The following SAMD4A variants were observed in gnomAD, a reference collection of about 807,000 sequenced individuals.
SAMD4A encodes sterile alpha motif domain containing 4A.
Under a neutral mutation model 81.3 loss-of-function variants are expected in SAMD4A, and 33 were observed. The observed-to-expected ratio is 0.41, with a 90% CI of 0.31 to 0.54. SAMD4A has a LOEUF of 0.54. Among genes scored for constraint, SAMD4A ranks in the 20% least tolerant of loss-of-function variants. The pLI is 0.37. For synonymous variants in SAMD4A, 389 were observed against 382.1 expected, an observed-to-expected ratio of 1.02 and a Z score of -0.21; for missense variants, 854 against 951.1, an observed-to-expected ratio of 0.90 and a Z score of 1.34.
chr14:54,763,797 G>A (rs1463585213), intron 7 of SAMD4A, among the ~76,000 whole-genome samples: 1 of 152,180 alleles, frequency 6.6e-6, no homozygotes, highest in Non-Finnish European at 1.5e-5. Context: ...ACATGGCCGT[G>A]AGAAACCTAG....
At chr14:54,673,664 A>T (rs2035932244) in intron 2 of SAMD4A, among the ~76,000 whole-genome samples, 1 of 152,174 alleles carries the variant, frequency 6.6e-6, no homozygotes. Context: ...TCCTGTGGGC[A>T]GGGGTGGGAG....
rs1485183258 is a variant in SAMD4A at position 54,788,931 on chromosome 14, C to T, written c.2144C>T (p.Thr715Ile). The change falls in exon 13 of 13, where the codon ACC (threonine) becomes ATC (isoleucine). Residue 715 changes from threonine (T) to isoleucine (I), a missense_variant. Transcript: ENST00000554335. Reference protein sequence around the residue: ...EHALGDGVDRTSTI With the variant: ...EHALGDGVDRISTI The stretch of plus-strand genomic sequence containing the variant: ...TCTCTCCCAGACGGGGTTGACCGGA[C>T]CTCCACCATCTAGAAGCTGAAGACG... 2 of 1,614,088 alleles carry T rather than the reference C, an allele frequency of 1.2e-6. No individual in the cohort carries two copies. The highest frequency in any genetic ancestry group is 1.3e-5 in the African/African-American group (1 of 74,938).
At chr14:54,759,614 A>G (rs1023881766) in intron 6 of SAMD4A, among the ~76,000 whole-genome samples, 3 of 152,244 alleles carry the variant, frequency 2.0e-5, no homozygotes, top group Non-Finnish European at 4.4e-5. Context: ...AGAGAAACTG[A>G]GGCACAAATT....
At position 54,576,001 on chromosome 14, in the gene SAMD4A, C is replaced by CTTTTTTTTTTTTTTTTTTTTTT. The variant is rs57819180; in HGVS notation, c.196+7905_196+7926dup. On this transcript the variant is annotated intron_variant, in intron 2 of 12. Coordinates refer to ENST00000554335, the MANE Select transcript of SAMD4A (RefSeq NM_015589.6). ...CCAGGAAAGATTTCTTTCTTTCTTT[C>CTTTTTTTTTTTTTTTTTTTTTT]TTTTTTTTTTTTTTTTTTTTTTTTT... is the stretch of plus-strand genomic sequence containing the variant. Among the ~76,000 whole-genome samples the CTTTTTTTTTTTTTTTTTTTTTT allele has an allele frequency of 2.5e-5, 2 of 80,026 alleles. 1 individual carries two copies. Among genetic ancestry groups the CTTTTTTTTTTTTTTTTTTTTTT allele is most frequent in the East Asian group, 1.0e-3 (2 of 1,992 alleles). The allele number at this position is 80,026 out of a possible 152,430, so 52.5% of individuals were successfully genotyped here. A position where few individuals can be genotyped will look rare whatever the true frequency, so the allele number is the denominator to read the frequency against.
intron 2 of SAMD4A, among the ~76,000 whole-genome samples, chr14:54,592,379 C>T (rs2033800987): frequency 6.6e-6 from 1 of 152,188 alleles, no homozygotes; most frequent in Non-Finnish European, 1.5e-5. Flanking sequence ...TCTCCTCTTT[C>T]CTTCCCCAAA....
intron 2 of SAMD4A, among the ~76,000 whole-genome samples, chr14:54,656,332 A>G (rs979356834): frequency 6.6e-6 from 1 of 152,178 alleles, no homozygotes; most frequent in Non-Finnish European, 1.5e-5. Context: ...CTTTGATCTG[A>G]AACCATCAAA....
intron 11 of SAMD4A, among the ~76,000 whole-genome samples, chr14:54,781,004 T>C (rs539601022): frequency 7.9e-5 from 12 of 152,252 alleles, no homozygotes; most frequent in Admixed American, 5.9e-4. Context: ...CTTTCTTCTT[T>C]ACTCATCTCA....
chr14:54,632,802 T>C (rs998595756), intron 2 of SAMD4A, among the ~76,000 whole-genome samples: 4 of 152,212 alleles, frequency 2.6e-5, no homozygotes, highest in Admixed American at 1.3e-4. Flanking sequence ...AACTTTCTTA[T>C]CTAAAATAGG....
chr14:54,784,455 A>G, intron 11 of SAMD4A, 82 bp from the exon 12 acceptor site: 2 of 1,613,698 alleles, frequency 1.2e-6, no homozygotes, highest in Non-Finnish European at 1.7e-6. Context: ...GAGGTACACC[A>G]GACCTTTCTC....
intron 2 of SAMD4A, among the ~76,000 whole-genome samples, chr14:54,661,569 G>A (rs1183657106): frequency 6.6e-6 from 1 of 152,222 alleles, no homozygotes; most frequent in Non-Finnish European, 1.5e-5. Flanking sequence ...TGTGGTCTGT[G>A]CATTAACCTC....
At chr14:54,756,088 A>G (rs1359917752) in intron 6 of SAMD4A, among the ~76,000 whole-genome samples, 1 of 152,174 alleles carries the variant, frequency 6.6e-6, no homozygotes, top group Non-Finnish European at 1.5e-5. Flanking sequence ...CTGCAGAGAA[A>G]CCGCAGATAA....
intron 2 of SAMD4A, among the ~76,000 whole-genome samples, chr14:54,690,995 C>G (rs1291476892): frequency 6.6e-6 from 1 of 152,132 alleles, no homozygotes; most frequent in East Asian, 1.9e-4. Context: ...GGAAGGAGCT[C>G]CTTCCTGCCA....
intron 8 of SAMD4A, among the ~76,000 whole-genome samples, chr14:54,765,328 T>C (rs1189320916): frequency 6.6e-6 from 1 of 151,912 alleles, no homozygotes; most frequent in Non-Finnish European, 1.5e-5. Flanking sequence ...GATGTGAGAA[T>C]AAGATAGTAA....
intron 12 of SAMD4A, among the ~76,000 whole-genome samples, chr14:54,785,532 C>G (rs2039117449): frequency 6.6e-6 from 1 of 152,200 alleles, no homozygotes; most frequent in African/African-American, 2.4e-5. Context: ...CCAGTCTACA[C>G]TTGCTCTTAG....
chr14:54,787,976 G>T (rs1480496776), intron 12 of SAMD4A, among the ~76,000 whole-genome samples: 1 of 152,150 alleles, frequency 6.6e-6, no homozygotes, highest in Admixed American at 6.5e-5. Flanking sequence ...CCAAAAAGGG[G>T]CCGGGCAGGC....
chr14:54,775,152 G>A lies in SAMD4A; in HGVS notation c.1917+17G>A. On this transcript the variant is annotated intron_variant, in intron 10 of 12. Coordinates refer to ENST00000554335, the MANE Select transcript of SAMD4A (RefSeq NM_015589.6). Reference sequence around the variant, plus strand: ...GGAAGACAGGTTTGTTCTGCCCCAAGGAAGGAGGAGGATGGCCAAGCTCAA... The same window carrying A: ...GGAAGACAGGTTTGTTCTGCCCCAAAGAAGGAGGAGGATGGCCAAGCTCAA... 6.2e-7 allele frequency: 1 copy of A among 1,614,138 alleles called. No individual in the cohort carries two copies.
intron 3 of SAMD4A, 127 bp from the exon 4 acceptor site, chr14:54,736,897 C>T (rs2037707970): frequency 1.8e-6 from 2 of 1,103,976 alleles, no homozygotes; most frequent in Non-Finnish European, 2.6e-6. Context: ...ATTCAACCTG[C>T]TGTGACCATG....
At position 54,620,000 on chromosome 14, in the gene SAMD4A, T is replaced by C. The variant is rs112409905; in HGVS notation, c.196+51888T>C. Among the ~76,000 whole-genome samples, 337 of 152,300 alleles carry C rather than the reference T, an allele frequency of 2.2e-3. 4 individuals are homozygous for C. Among genetic ancestry groups the C allele is most frequent in the South Asian group, 0.019 (89 of 4,808 alleles). On this transcript the variant is annotated intron_variant, in intron 2 of 12. Coordinates refer to ENST00000554335, the MANE Select transcript of SAMD4A (RefSeq NM_015589.6). ...TTTTAATTGATCTCAGGGGAACTTCTATCATCTAGATGACCTTAAATTTAG... is the reference window on the plus strand; with the variant it reads ...TTTTAATTGATCTCAGGGGAACTTCCATCATCTAGATGACCTTAAATTTAG...
chr14:54,586,278 G>T (rs942839822), intron 2 of SAMD4A, among the ~76,000 whole-genome samples: 1 of 152,020 alleles, frequency 6.6e-6, no homozygotes, highest in Admixed American at 6.6e-5. Context: ...GGGATTGTTT[G>T]TTTTCTTCTT....
Sources: gnomAD v4.1 joint callset for allele counts (sites outside exome capture counted in the v4.1 genomes callset) on GRCh38, gnomAD v4.1.1 for gene constraint, MANE v1.5 for transcripts, NCBI Gene and HGNC (gene_info 2026-07-23, HGNC 2026-07-21) for gene names.